DOCK10: variants seen among roughly 807,000 people sequenced by gnomAD.
DOCK10 encodes the protein dedicator of cytokinesis 10.
A neutral mutation model predicts 280.1 loss-of-function variants in DOCK10; 145 were observed. That is an observed-to-expected ratio of 0.52 (90% CI 0.45 to 0.59). The LOEUF is 0.59. DOCK10 is among the 20% of genes least tolerant of loss of function. The pLI, the probability that DOCK10 is intolerant of heterozygous loss-of-function variation, is 0.00. For synonymous variants in DOCK10, 915 were observed against 942.2 expected, an observed-to-expected ratio of 0.97 and a Z score of 0.53; for missense variants, 2,368 against 2,651.7, an observed-to-expected ratio of 0.89 and a Z score of 2.35.
At chr2:225,000,109 C>T (rs1488800810) in intron 1 of DOCK10, among the ~76,000 whole-genome samples, 1 of 152,076 alleles carries the variant, frequency 6.6e-6, no homozygotes, top group Non-Finnish European at 1.5e-5. Flanking sequence ...ATAGCTGGCC[C>T]AGGGAAGATT....
intron 29 of DOCK10, among the ~76,000 whole-genome samples, chr2:224,817,173 CTGTA>C (rs1183166403): frequency 6.6e-6 from 1 of 152,180 alleles, no homozygotes; most frequent in Non-Finnish European, 1.5e-5. Flanking sequence ...GAGTGAAACC[CTGTA>C]TGCCACATGT....
Position 224,864,686 on chromosome 2 carries a change from A to T in DOCK10, c.1480-11T>A. The T allele has an allele frequency of 6.2e-7, 1 of 1,601,938 alleles. No homozygotes were observed. The highest frequency in any genetic ancestry group is 1.8e-5 in the Admixed American group (1 of 56,618). ...TACAGAAAATACAGCCTGTGTACAA[A>T]GAAAGCAGCTAATAAGCATGGAAGA... On this transcript the variant is annotated splice_polypyrimidine_tract_variant and intron_variant, in intron 12 of 55. Transcript: ENST00000258390.
intron 2 of DOCK10, among the ~76,000 whole-genome samples, chr2:224,921,112 A>AATATAT (rs1201609470): frequency 2.9e-4 from 16 of 54,386 alleles, no homozygotes; most frequent in African/African-American, 1.1e-3. Context: ...AAAAAAAAAA[A>AATATAT]ATATATATAT....
At chr2:224,841,941 C>A (rs777047539) in intron 22 of DOCK10, 45 bp from the exon 23 acceptor site, 1 of 1,403,522 alleles carries the variant, frequency 7.1e-7, no homozygotes, top group Non-Finnish European at 1.0e-6. Flanking sequence ...GACACGTAAA[C>A]CGTGTTACAA....
chr2:225,016,632 CATATATCT>C (rs1559962989), intron 1 of DOCK10, among the ~76,000 whole-genome samples: 939 of 24,740 alleles, frequency 0.038, 70 homozygotes, highest in Middle Eastern at 0.13. Flanking sequence ...CACATAGATA[CATATATCT>C]ATGTGCACAT....
At chr2:224,787,680 A>G (rs1343854529) in intron 48 of DOCK10, among the ~76,000 whole-genome samples, 1 of 152,152 alleles carries the variant, frequency 6.6e-6, no homozygotes, top group African/African-American at 2.4e-5. Flanking sequence ...GACCCCTGCT[A>G]TAGTTTTGAG....
intron 26 of DOCK10, 139 bp downstream of exon 26, chr2:224,834,011 G>T: frequency 1.7e-6 from 1 of 605,384 alleles, no homozygotes; most frequent in Non-Finnish European, 3.0e-6. Context: ...ATCTTTATAT[G>T]CTAAGTTTCA....
intron 4 of DOCK10, 89 bp downstream of exon 4, chr2:224,896,206 A>C (rs919335932): frequency 2.8e-6 from 2 of 715,130 alleles, no homozygotes; most frequent in African/African-American, 1.9e-5. Flanking sequence ...AGATTAATGT[A>C]CGTGTATTCA....
chr2:224,878,317 CATT>C (rs1698765288), intron 7 of DOCK10, among the ~76,000 whole-genome samples: 1 of 152,194 alleles, frequency 6.6e-6, no homozygotes, highest in African/African-American at 2.4e-5. Context: ...GGACCAATCA[CATT>C]ATTCCATTTC....
At chr2:224,953,339 G>A (rs1054297609) in intron 1 of DOCK10, among the ~76,000 whole-genome samples, 1 of 152,126 alleles carries the variant, frequency 6.6e-6, no homozygotes, top group Admixed American at 6.5e-5. Flanking sequence ...CCATTTGCCT[G>A]CAGGTTAGTT....
intron 11 of DOCK10, 56 bp downstream of exon 11, chr2:224,873,940 C>T: frequency 6.5e-7 from 1 of 1,542,816 alleles, no homozygotes; most frequent in Non-Finnish European, 8.7e-7. Context: ...AGATTTTTGA[C>T]TAGGGTGGTG....
chr2:225,032,014 C>T (rs1232937609), intron 1 of DOCK10, among the ~76,000 whole-genome samples: 1 of 152,178 alleles, frequency 6.6e-6, no homozygotes, highest in Non-Finnish European at 1.5e-5. Flanking sequence ...AGGTGAAATA[C>T]AAATGTGGTC....
At chr2:224,885,926 A>T in intron 6 of DOCK10, 121 bp from the exon 7 acceptor site, 1 of 1,496,960 alleles carries the variant, frequency 6.7e-7, no homozygotes. Context: ...TCTAGAGAAG[A>T]GCATCCTACT....
chr2:224,835,328 T>G (rs544262471), intron 25 of DOCK10, among the ~76,000 whole-genome samples: 1 of 152,360 alleles, frequency 6.6e-6, no homozygotes, highest in Admixed American at 6.5e-5. Context: ...CACTGAAATA[T>G]TCTTATTTTA....
chr2:224,846,046 T>C (rs1553593358), intron 19 of DOCK10, among the ~76,000 whole-genome samples: 1 of 152,228 alleles, frequency 6.6e-6, no homozygotes, highest in Non-Finnish European at 1.5e-5. Context: ...AACTGAAATC[T>C]AGGTCCATGT....
intron 1 of DOCK10, among the ~76,000 whole-genome samples, chr2:224,934,599 C>G (rs892952738): frequency 6.6e-6 from 1 of 152,320 alleles, no homozygotes; most frequent in South Asian, 2.1e-4. Flanking sequence ...AGGGAGCTGC[C>G]TGCTCCCTTC....
chr2:224,810,610 A>G (rs1303919145), intron 31 of DOCK10, among the ~76,000 whole-genome samples: 2 of 147,010 alleles, frequency 1.4e-5, no homozygotes, highest in African/African-American at 2.5e-5. Flanking sequence ...CATTAGGTTT[A>G]TCTCCTAATG....
Position 224,896,208 on chromosome 2 carries a change from G to T in DOCK10, c.416+87C>A, listed in dbSNP as rs537850847. The T allele has an allele frequency of 2.9e-5, 21 of 725,350 alleles. No homozygotes were observed. The South Asian group carries it at 4.6e-4, about 16-fold the overall frequency. 44.9% of individuals were successfully genotyped at this position (725,350 alleles called of 1,614,324 possible). A position where few individuals can be genotyped will look rare whatever the true frequency, so the allele number is the denominator to read the frequency against. ...GTGCCTTGACAGAAGATTAATGTAC[G>T]TGTATTCATGAACAATGGCAGGACT... On this transcript the variant is annotated intron_variant, in intron 4 of 55. Coordinates refer to ENST00000258390, the MANE Select transcript of DOCK10 (RefSeq NM_014689.3).
chr2:224,963,884 A>G (rs1183994463), intron 1 of DOCK10, among the ~76,000 whole-genome samples: 1 of 152,084 alleles, frequency 6.6e-6, no homozygotes, highest in African/African-American at 2.4e-5. Flanking sequence ...CATTATCTAC[A>G]TTTTACATGA....
Sources: allele counts gnomAD v4.1 joint callset (sites outside exome capture counted in the v4.1 genomes callset), GRCh38; gene constraint gnomAD v4.1.1; transcripts MANE v1.5; gene names NCBI Gene and HGNC (gene_info 2026-07-23, HGNC 2026-07-21).